LRP1B: variants seen among roughly 807,000 people sequenced by gnomAD.
LRP1B encodes low-density lipoprotein receptor-related protein 1B.
Under a neutral mutation model 556.6 loss-of-function variants are expected in LRP1B, and 217 were observed. The observed-to-expected ratio is 0.39, with a 90% CI of 0.35 to 0.44. LRP1B has a LOEUF of 0.44. LRP1B is among the 20% of genes least tolerant of loss of function. The pLI, the probability that LRP1B is intolerant of heterozygous loss-of-function variation, is 1.00. For missense variants in LRP1B, 5,053 were observed against 5,620.8 expected (o/e 0.90, Z 3.23); for synonymous variants, 2,047 against 1,865.8 (o/e 1.10, Z -2.50).
At chr2:142,056,280 T>C (rs1377758900) in intron 1 of LRP1B, among the ~76,000 whole-genome samples, 2 of 148,516 alleles carry the variant, frequency 1.3e-5, no homozygotes, top group Non-Finnish European at 3.0e-5. Flanking sequence ...CTCTCTTTCC[T>C]CTGGTATATG....
intron 27 of LRP1B, among the ~76,000 whole-genome samples, chr2:140,861,656 A>G (rs1692802047): frequency 6.6e-6 from 1 of 152,192 alleles, no homozygotes; most frequent in East Asian, 1.9e-4. Flanking sequence ...AGTAAATTAT[A>G]TTTTGTAGTA....
At chr2:140,526,530 C>G (rs1470450874) in intron 47 of LRP1B, among the ~76,000 whole-genome samples, 180 bp from the exon 48 acceptor site, 2 of 151,254 alleles carry the variant, frequency 1.3e-5, no homozygotes, top group Non-Finnish European at 2.9e-5. Context: ...TCTTATATGT[C>G]TTCCCCTATC....
chr2:140,674,986 G>A (rs1685620174), intron 41 of LRP1B, among the ~76,000 whole-genome samples: 1 of 152,230 alleles, frequency 6.6e-6, no homozygotes, highest in Admixed American at 6.5e-5. Flanking sequence ...GACTCTGGGA[G>A]AGGATCTGCT....
At chr2:141,228,562 C>T (rs113083781) in intron 6 of LRP1B, among the ~76,000 whole-genome samples, 14 of 124,636 alleles carry the variant, frequency 1.1e-4, no homozygotes, top group South Asian at 2.9e-4. Flanking sequence ...TGTGTGCATC[C>T]CTGGGTGTCT....
chr2:140,460,609 CATTTAAT>C (rs1687279217), intron 60 of LRP1B, among the ~76,000 whole-genome samples: 1 of 152,094 alleles, frequency 6.6e-6, no homozygotes, highest in Non-Finnish European at 1.5e-5. Context: ...GTGAAAAGTA[CATTTAAT>C]AAATCTTTCA....
At chr2:141,518,959 A>G (rs752078192) in intron 2 of LRP1B, among the ~76,000 whole-genome samples, 9 of 152,106 alleles carry the variant, frequency 5.9e-5, no homozygotes, top group Non-Finnish European at 8.8e-5. Context: ...TCAAAAAAAT[A>G]AAAATAAAAT....
chr2:141,108,085 A>G (rs1700652662), intron 7 of LRP1B, among the ~76,000 whole-genome samples: 1 of 152,144 alleles, frequency 6.6e-6, no homozygotes, highest in African/African-American at 2.4e-5. Flanking sequence ...TGCCTCAGAA[A>G]GCTAGCATTG....
rs2105362500 is a variant in LRP1B at position 140,485,353 on chromosome 2, G to A, written c.9415C>T (p.Pro3139Ser). The change falls in exon 59 of 91, where the codon CCT becomes TCT. Residue 3139 changes from proline to serine, a missense_variant. Around this residue, in one of 5 missense-constraint regions of LRP1B, gnomAD observed 3,619 missense variants for 3,931.9 expected, o/e 0.92. Transcript: ENST00000389484. ...LKFPRDLSLD[P>S]QAGYLYWIDC... ...ACAGTTTTTACAAACCCAGCTTGAG[G>A]ATCTAAAGACAAGTCTCTGGGAAAC... 6.2e-7 allele frequency: 1 copy of A among 1,608,502 alleles called. No homozygotes were observed. The highest frequency in any genetic ancestry group is 1.1e-5 in the South Asian group (1 of 89,770).
intron 4 of LRP1B, among the ~76,000 whole-genome samples, chr2:141,253,543 C>T (rs183695544): frequency 1.3e-5 from 2 of 152,118 alleles, no homozygotes; most frequent in East Asian, 3.9e-4. Flanking sequence ...GTTTCAGTCC[C>T]AATTCTATTA....
Position 140,534,156 on chromosome 2 carries a change from A to G in LRP1B, c.7643-16T>C, listed in dbSNP as rs1324560665. The stretch of plus-strand genomic sequence containing the variant: ...CTTCTGTTTTCTTATAAATAAAAGT[A>G]GAAACACACAACCAGAGATCATATA... On this transcript the variant is annotated splice_polypyrimidine_tract_variant and intron_variant, in intron 46 of 90. Transcript: ENST00000389484. 1.2e-6 allele frequency: 2 copies of G among 1,604,246 alleles called. No homozygotes were observed.
At chr2:141,137,778 G>GT (rs1701526391) in intron 7 of LRP1B, among the ~76,000 whole-genome samples, 1 of 151,766 alleles carries the variant, frequency 6.6e-6, no homozygotes. Context: ...AAGAGCCTAG[G>GT]TTTTTACCCA....
At chr2:142,037,955 G>C (rs1037674873) in intron 1 of LRP1B, among the ~76,000 whole-genome samples, 1 of 151,484 alleles carries the variant, frequency 6.6e-6, no homozygotes, top group Non-Finnish European at 1.5e-5. Flanking sequence ...ATCAGTGATA[G>C]AAGGCGCCAC....
At chr2:140,656,470 C>T (rs1684882955) in intron 41 of LRP1B, among the ~76,000 whole-genome samples, 1 of 152,064 alleles carries the variant, frequency 6.6e-6, no homozygotes, top group African/African-American at 2.4e-5. Context: ...TTGTTTTTTT[C>T]CCCAAAGGCA....
chr2:140,407,198 G>T (rs188019388), intron 66 of LRP1B, among the ~76,000 whole-genome samples: 1 of 152,066 alleles, frequency 6.6e-6, no homozygotes, highest in Non-Finnish European at 1.5e-5. Context: ...GTTCAAGAGG[G>T]ATCAAAGACC....
intron 41 of LRP1B, among the ~76,000 whole-genome samples, chr2:140,694,552 C>G (rs1483108892): frequency 1.3e-5 from 2 of 152,084 alleles, no homozygotes; most frequent in African/African-American, 4.8e-5. Flanking sequence ...TTTAATTATT[C>G]TTAACGCTTA....
chr2:140,999,083 T>C (rs1697336382), intron 15 of LRP1B, among the ~76,000 whole-genome samples: 1 of 152,120 alleles, frequency 6.6e-6, no homozygotes, highest in Admixed American at 6.6e-5. Flanking sequence ...AAGGCTAACA[T>C]ATCTTTGAAA....
intron 3 of LRP1B, among the ~76,000 whole-genome samples, chr2:141,431,815 T>G (rs910307419): frequency 2.0e-5 from 3 of 152,170 alleles, no homozygotes; most frequent in Non-Finnish European, 4.4e-5. Flanking sequence ...ATGCTAATCT[T>G]GGGTCCTACA....
intron 1 of LRP1B, among the ~76,000 whole-genome samples, chr2:142,013,943 C>A (rs1298176806): frequency 3.3e-5 from 5 of 152,066 alleles, no homozygotes; most frequent in African/African-American, 7.2e-5. Flanking sequence ...TGGGAGTGCC[C>A]AGATATCCTG....
intron 1 of LRP1B, among the ~76,000 whole-genome samples, chr2:141,984,376 G>C (rs1056363382): frequency 8.3e-5 from 3 of 35,952 alleles, no homozygotes; most frequent in Non-Finnish European, 1.7e-4. Flanking sequence ...ATTGATGAAA[G>C]GTATGTGTTT....
Sources: gnomAD v4.1 joint callset for allele counts (sites outside exome capture counted in the v4.1 genomes callset) on GRCh38, gnomAD v4.1.1 for gene constraint, gnomAD v4.1.1 regional missense constraint, MANE v1.5 for transcripts, NCBI Gene and HGNC (gene_info 2026-07-23, HGNC 2026-07-21) for gene names.